Variants in CAGE1 observed in about 807,000 individuals in gnomAD.
CAGE1 encodes the protein cancer antigen 1, also known as cancer-associated gene 1 protein.
Under a neutral mutation model 94.9 loss-of-function variants are expected in CAGE1, and 66 were observed. The ratio of observed to expected loss-of-function variants is 0.70; its 90% CI spans 0.57 to 0.85. The LOEUF is 0.85. Ranked by LOEUF, CAGE1 falls within the 40% of genes least tolerant of loss-of-function variation. The pLI is 0.00. For missense variants in CAGE1, 865 were observed against 950.4 expected (o/e 0.91, Z 1.18); for synonymous variants, 319 against 321.0 (o/e 0.99, Z 0.07).
chr6:7,389,227 C>G lies in CAGE1; in HGVS notation c.-49G>C, dbSNP rs139084974. On this transcript the variant is annotated 5_prime_UTR_variant, in exon 1 of 14. An upstream start codon of the reference 5' UTR is lost. Coordinates refer to ENST00000502583, the MANE Select transcript of CAGE1 (RefSeq NM_001170692.2). ...CTTTTTAAAAAGCACTTATCTCATT[C>G]ATTTTTCACCTCAAAACGAGACACC... 259 of 456,162 alleles carry G rather than the reference C, an allele frequency of 5.7e-4. 1 individual carries two copies. Among genetic ancestry groups the G allele is most frequent in the African/African-American group, 4.8e-3 (242 of 50,200 alleles). 28.3% of individuals were successfully genotyped at this position (456,162 alleles called of 1,614,324 possible).
chr6:7,344,608 G>A (rs1013146192), intron 11 of CAGE1, among the ~76,000 whole-genome samples: 1 of 151,974 alleles, frequency 6.6e-6, no homozygotes, highest in Non-Finnish European at 1.5e-5. Flanking sequence ...GCGGGCGTAC[G>A]GCCCGAGACT....
At chr6:7,333,671 T>TATATAC (rs1554136127) in intron 12 of CAGE1, among the ~76,000 whole-genome samples, 1 of 91,612 alleles carries the variant, frequency 1.1e-5, no homozygotes, top group Non-Finnish European at 2.0e-5. Flanking sequence ...TATATATATA[T>TATATAC]ATACATTTTT....
intron 3 of CAGE1, among the ~76,000 whole-genome samples, chr6:7,381,891 G>A (rs1411554227): frequency 1.3e-5 from 2 of 149,456 alleles, no homozygotes; most frequent in Non-Finnish European, 3.0e-5. Context: ...CCAGGCTGGA[G>A]TGCAGTGGCG....
chr6:7,347,460 G>A (rs1021863370), intron 11 of CAGE1: 2 of 138,766 alleles, frequency 1.4e-5, no homozygotes, highest in Non-Finnish European at 3.1e-5. Context: ...GGGTCCCCAA[G>A]CAGGCCCTTC....
At chr6:7,344,445 G>A (rs982566050) in intron 11 of CAGE1, among the ~76,000 whole-genome samples, 1 of 152,262 alleles carries the variant, frequency 6.6e-6, no homozygotes, top group African/African-American at 2.4e-5. Flanking sequence ...TGCCTTAGCT[G>A]CCTTCCCGCA....
intron 3 of CAGE1, among the ~76,000 whole-genome samples, chr6:7,382,718 T>G (rs536415105): frequency 6.6e-6 from 1 of 151,632 alleles, no homozygotes; most frequent in South Asian, 2.1e-4. Context: ...AAGACCAGCC[T>G]GGCCTACATG....
At chr6:7,358,451 G>C (rs1399537445) in intron 9 of CAGE1, among the ~76,000 whole-genome samples, 1 of 151,890 alleles carries the variant, frequency 6.6e-6, no homozygotes, top group Non-Finnish European at 1.5e-5. Context: ...ACAGACATTT[G>C]GGTTGCTTTC....
intron 11 of CAGE1, among the ~76,000 whole-genome samples, chr6:7,345,070 C>A (rs995450563): frequency 2.0e-5 from 3 of 151,838 alleles, no homozygotes; most frequent in Non-Finnish European, 4.4e-5. Context: ...GTGTTGAAAG[C>A]TTTGTTCTTT....
At chr6:7,365,730 T>C in intron 8 of CAGE1, 74 bp downstream of exon 8, 3 of 1,336,072 alleles carry the variant, frequency 2.2e-6, no homozygotes, top group South Asian at 2.6e-5. Flanking sequence ...TCAACAAATT[T>C]ACCAAAAGAA....
At chr6:7,348,791 T>A (rs1235519818) in intron 11 of CAGE1, among the ~76,000 whole-genome samples, 3 of 151,998 alleles carry the variant, frequency 2.0e-5, no homozygotes, top group Non-Finnish European at 4.4e-5. Flanking sequence ...GCAATAGAAT[T>A]GAACAAGTAG....
chr6:7,380,811 C>T (rs1269852309), intron 3 of CAGE1, among the ~76,000 whole-genome samples: 1 of 152,074 alleles, frequency 6.6e-6, no homozygotes, highest in Non-Finnish European at 1.5e-5. Context: ...GAACATGTTT[C>T]CTTCTATGCC....
At chr6:7,351,583 A>AAC (rs1554137814) in intron 11 of CAGE1, among the ~76,000 whole-genome samples, 153 of 149,908 alleles carry the variant, frequency 1.0e-3, no homozygotes, top group African/African-American at 3.6e-3. Context: ...GAAAAAAAAA[A>AAC]AAAACTACAG....
intron 10 of CAGE1, among the ~76,000 whole-genome samples, chr6:7,355,464 A>C (rs1249672809): frequency 6.6e-6 from 1 of 152,244 alleles, no homozygotes; most frequent in Non-Finnish European, 1.5e-5. Context: ...GGCAAGATTT[A>C]GAATTATCCT....
At chr6:7,327,403 CCTCAGCTGTGAG>C in intron 13 of CAGE1, among the ~76,000 whole-genome samples, 1 of 152,140 alleles carries the variant, frequency 6.6e-6, no homozygotes, top group Middle Eastern at 3.4e-3. Flanking sequence ...GATCCACCTG[CCTCAGCTGTGAG>C]CTCAGGTGTG....
In CAGE1 at chr6:7,373,738, C is replaced by T. The variant is rs202038274; in HGVS notation, c.1081G>A (p.Val361Ile). The T allele has an allele frequency of 2.5e-6, 4 of 1,612,974 alleles. No individual in the cohort carries two copies. Among genetic ancestry groups the T allele is most frequent in the Non-Finnish European group, 3.4e-6 (4 of 1,179,248 alleles). The change falls in exon 5 of 14, where the codon GTT becomes ATT. Residue 361 changes from valine to isoleucine, a missense_variant. Transcript: ENST00000502583. ...IDVINKLKEN[V>I]EELIEDKYKI... is the part of the protein sequence containing the mutation. ...TATTTGTCTTCAATTAATTCTTCAA[C>T]ATTCTCCTTTAGCTTATTGATGACA...
chr6:7,363,761 G>A (rs935997098), intron 9 of CAGE1, among the ~76,000 whole-genome samples: 3 of 152,086 alleles, frequency 2.0e-5, no homozygotes, highest in Admixed American at 6.6e-5. Flanking sequence ...GAGATTTATC[G>A]GTGTGTTCAA....
intron 1 of CAGE1, among the ~76,000 whole-genome samples, chr6:7,387,894 C>T (rs1413712337): frequency 6.7e-6 from 1 of 149,062 alleles, no homozygotes; most frequent in South Asian, 2.1e-4. Context: ...ATTAGCTGGG[C>T]GCGGTGGCGT....
At chr6:7,346,518 C>T (rs574827637) in intron 11 of CAGE1, among the ~76,000 whole-genome samples, 14 of 152,144 alleles carry the variant, frequency 9.2e-5, no homozygotes, top group African/African-American at 1.7e-4. Flanking sequence ...CACTGCACTC[C>T]GGCCTGGGCG....
rs759865119 is a variant in CAGE1 at position 7,378,947 on chromosome 6, T to C, written c.357A>G (p.Arg119=). 2.0e-5 allele frequency: 32 copies of C among 1,587,300 alleles called. No individual in the cohort carries two copies. The highest frequency in any genetic ancestry group is 1.1e-4 in the Admixed American group (6 of 54,794). The change falls in exon 4 of 14, where the codon AGA becomes AGG. Residue 119 remains arginine (R), a synonymous_variant. Coordinates refer to ENST00000502583, the MANE Select transcript of CAGE1 (RefSeq NM_001170692.2). Reference sequence around the variant, plus strand: ...GAAATTTGCAAACGGTTTCAAATTGTCTCAAGGAAGATATGCTGATGGTGT... The same window carrying C: ...GAAATTTGCAAACGGTTTCAAATTGCCTCAAGGAAGATATGCTGATGGTGT... The part of the protein sequence containing the change: ...PVDTISISSL[R]QFETVCKFHW...
Sources: allele counts gnomAD v4.1 joint callset (sites outside exome capture counted in the v4.1 genomes callset), GRCh38; gene constraint gnomAD v4.1.1; transcripts MANE v1.5; gene names NCBI Gene and HGNC (gene_info 2026-07-23, HGNC 2026-07-21).